CACNA2D3: variants seen among roughly 807,000 people sequenced by gnomAD.
CACNA2D3 encodes the protein calcium voltage-gated channel auxiliary subunit alpha2delta 3.
Under a neutral mutation model 160.6 loss-of-function variants are expected in CACNA2D3, and 60 were observed. The ratio of observed to expected loss-of-function variants is 0.37; its 90% CI spans 0.30 to 0.46. The LOEUF (loss-of-function observed/expected upper bound fraction) is 0.46, where lower values mean the gene tolerates loss of function less well. Among genes scored for constraint, CACNA2D3 ranks in the 20% least tolerant of loss-of-function variants. The pLI is 1.00. For missense variants in CACNA2D3, 1,205 were observed against 1,365.0 expected, an observed-to-expected ratio of 0.88 and a Z score of 1.85; for synonymous variants, 558 against 492.9, an observed-to-expected ratio of 1.13 and a Z score of -1.75.
chr3:54,661,955 A>G (rs1187161784), intron 11 of CACNA2D3, among the ~76,000 whole-genome samples: 8 of 151,714 alleles, frequency 5.3e-5, no homozygotes, highest in Admixed American at 5.3e-4. Flanking sequence ...TTTTCCTGCT[A>G]CAGGCTTTCA....
At chr3:54,433,333 A>G (rs1700016224) in intron 4 of CACNA2D3, among the ~76,000 whole-genome samples, 1 of 152,346 alleles carries the variant, frequency 6.6e-6, no homozygotes, top group African/African-American at 2.4e-5. Context: ...ATCTGCAGCT[A>G]AATAGACATT....
chr3:54,257,863 G>A (rs1024870888), intron 2 of CACNA2D3, among the ~76,000 whole-genome samples: 2 of 152,284 alleles, frequency 1.3e-5, no homozygotes, highest in South Asian at 4.1e-4. Context: ...GGGAAATCCA[G>A]GTAGGAAGTC....
intron 2 of CACNA2D3, among the ~76,000 whole-genome samples, chr3:54,141,086 T>TGTGTGTGTGTGTGTGTGTGC (rs61601297): frequency 7.5e-5 from 9 of 119,880 alleles, no homozygotes; most frequent in South Asian, 5.5e-4. Flanking sequence ...TGTGTGTGTG[T>TGTGTGTGTGTGTGTGTGTGC]GCGCGCGCGC....
chr3:54,490,912 C>G (rs1287933155), intron 4 of CACNA2D3, among the ~76,000 whole-genome samples: 1 of 152,162 alleles, frequency 6.6e-6, no homozygotes, highest in Non-Finnish European at 1.5e-5. Context: ...GTTCTTACTT[C>G]TCTTCCCTGT....
intron 3 of CACNA2D3, among the ~76,000 whole-genome samples, chr3:54,362,420 G>A (rs945370589): frequency 1.3e-5 from 2 of 152,138 alleles, no homozygotes; most frequent in African/African-American, 4.8e-5. Context: ...GGAATCAATG[G>A]CTCCCATTTC....
chr3:54,268,584 A>G (rs962754088), intron 2 of CACNA2D3, among the ~76,000 whole-genome samples: 1 of 151,962 alleles, frequency 6.6e-6, no homozygotes, highest in East Asian at 1.9e-4. Flanking sequence ...TAATTTCTAT[A>G]TTTTTAGTAG....
intron 3 of CACNA2D3, 57 bp from the exon 4 acceptor site, chr3:54,386,658 T>C: frequency 1.4e-6 from 2 of 1,479,990 alleles, no homozygotes; most frequent in Admixed American, 4.3e-5. Context: ...AGAAATGGGG[T>C]TCAGGCCACA....
intron 11 of CACNA2D3, among the ~76,000 whole-genome samples, chr3:54,684,505 T>C (rs1700413563): frequency 6.6e-6 from 1 of 152,332 alleles, no homozygotes; most frequent in East Asian, 1.9e-4. Flanking sequence ...CATCTGAAGT[T>C]ACCTGTTTTG....
intron 2 of CACNA2D3, among the ~76,000 whole-genome samples, chr3:54,166,037 A>C (rs915107517): frequency 6.6e-5 from 10 of 152,170 alleles, no homozygotes; most frequent in Non-Finnish European, 1.5e-4. Flanking sequence ...AGACATGGGA[A>C]GAGTACAGCT....
At chr3:54,542,530 C>T (rs796637049) in intron 5 of CACNA2D3, among the ~76,000 whole-genome samples, 4 of 152,080 alleles carry the variant, frequency 2.6e-5, no homozygotes, top group Admixed American at 1.3e-4. Flanking sequence ...GCCAAAGGCC[C>T]GAGAGTCCCT....
intron 35 of CACNA2D3, among the ~76,000 whole-genome samples, chr3:55,062,280 CTT>C (rs10693110): frequency 3.8e-4 from 53 of 139,768 alleles, no homozygotes; most frequent in Non-Finnish European, 3.4e-4. Context: ...TCATATCTGT[CTT>C]TTTTTTTTTT....
intron 4 of CACNA2D3, among the ~76,000 whole-genome samples, chr3:54,482,576 T>C: frequency 6.6e-6 from 1 of 152,290 alleles, no homozygotes; most frequent in Non-Finnish European, 1.5e-5. Flanking sequence ...AGGGCAGGGA[T>C]TTATATTATT....
Position 54,879,095 on chromosome 3 carries a change from T to C in CACNA2D3, c.1782+6T>C. 1 of 1,574,326 alleles carries C rather than the reference T, an allele frequency of 6.4e-7. No homozygotes were observed. The highest frequency in any genetic ancestry group is 8.6e-7 in the Non-Finnish European group (1 of 1,157,098). On this transcript the variant is annotated splice_donor_region_variant and intron_variant, in intron 19 of 37. Coordinates refer to ENST00000474759, the MANE Select transcript of CACNA2D3 (RefSeq NM_018398.3). ...AGAAGACAGTGGACAAAGGGGTACA[T>C]TTTTCTCAAACATTTTTGCTGCTTA...
At chr3:54,338,827 C>T (rs143229736) in intron 3 of CACNA2D3, among the ~76,000 whole-genome samples, 23 of 152,170 alleles carry the variant, frequency 1.5e-4, no homozygotes, top group African/African-American at 5.1e-4. Flanking sequence ...GAGGAAGGAA[C>T]GGCCTGTAAA....
intron 5 of CACNA2D3, among the ~76,000 whole-genome samples, chr3:54,512,084 AG>A (rs1035505211): frequency 6.6e-6 from 1 of 152,190 alleles, no homozygotes; most frequent in Non-Finnish European, 1.5e-5. Context: ...TGCCTTGCTG[AG>A]GGAAATGCAG....
chr3:54,602,274 G>C (rs1703074243), intron 9 of CACNA2D3, among the ~76,000 whole-genome samples: 1 of 152,098 alleles, frequency 6.6e-6, no homozygotes, highest in Admixed American at 6.5e-5. Flanking sequence ...GAGGCAGGCG[G>C]ATCACCTGAA....
intron 11 of CACNA2D3, among the ~76,000 whole-genome samples, chr3:54,698,840 C>T (rs1287955306): frequency 6.6e-6 from 1 of 152,092 alleles, no homozygotes; most frequent in Non-Finnish European, 1.5e-5. Context: ...GTATTTATCT[C>T]CCACCCTGTG....
chr3:54,797,496 T>A (rs1205628095), intron 13 of CACNA2D3, among the ~76,000 whole-genome samples: 4 of 152,224 alleles, frequency 2.6e-5, no homozygotes, highest in African/African-American at 9.6e-5. Flanking sequence ...CATAAAAATC[T>A]GAGGACAGCA....
At chr3:54,693,581 A>G (rs1176416734) in intron 11 of CACNA2D3, among the ~76,000 whole-genome samples, 1 of 152,214 alleles carries the variant, frequency 6.6e-6, no homozygotes, top group Non-Finnish European at 1.5e-5. Flanking sequence ...TAGCTGTAAC[A>G]CAGCCTCAGG....
Sources: gnomAD v4.1 joint callset for allele counts (sites outside exome capture counted in the v4.1 genomes callset) on GRCh38, gnomAD v4.1.1 for gene constraint, MANE v1.5 for transcripts, NCBI Gene and HGNC (gene_info 2026-07-23, HGNC 2026-07-21) for gene names.